CALCA: variants seen among roughly 807,000 people sequenced by gnomAD.
The protein encoded by CALCA is calcitonin.
CALCA carries 4 observed loss-of-function variants against 6.9 expected under a neutral mutation model. The observed-to-expected ratio is 0.58, with a 90% CI of 0.29 to 1.33. The LOEUF is 1.33. Ranked by LOEUF, CALCA falls within the 40% of genes most tolerant of loss-of-function variation. The pLI, the probability that CALCA is intolerant of heterozygous loss-of-function variation, is 0.09. For missense variants in CALCA, 174 were observed against 178.3 expected, an observed-to-expected ratio of 0.98 and a Z score of 0.14; for synonymous variants, 78 against 70.0, an observed-to-expected ratio of 1.11 and a Z score of -0.57.
At position 14,968,725 on chromosome 11, in the gene CALCA, G is replaced by C; in HGVS notation, c.*74C>G. ...CCAATACCAGCCCAAAGAGCCACCAGAGAGGAACCAAACCACATGCATCAA... is the reference window on the plus strand; with the variant it reads ...CCAATACCAGCCCAAAGAGCCACCACAGAGGAACCAAACCACATGCATCAA... On this transcript the variant is annotated 3_prime_UTR_variant, in exon 4 of 4. Coordinates refer to ENST00000331587, the MANE Select transcript of CALCA (RefSeq NM_001741.3). 6.2e-7 allele frequency: 1 copy of C among 1,613,144 alleles called. No individual in the cohort carries two copies. The highest frequency in any genetic ancestry group is 8.5e-7 in the Non-Finnish European group (1 of 1,179,742).
At chr11:14,971,232 C>G in intron 1 of CALCA, 31 bp from the exon 2 acceptor site, 1 of 1,516,286 alleles carries the variant, frequency 6.6e-7, no homozygotes, top group Non-Finnish European at 9.2e-7. Flanking sequence ...AAACCACCTG[C>G]GCCAGTTCGA....
downstream of CALCA, chr11:14,966,792 G>T (rs1849467742): frequency 6.6e-6 from 1 of 152,630 alleles, no homozygotes; most frequent in Admixed American, 6.5e-5. Context: ...TGCCCAAGAG[G>T]CAGTGATTTC....
chr11:14,967,645 T>A (rs1168179476), downstream of CALCA: 1 of 1,612,542 alleles, frequency 6.2e-7, no homozygotes, highest in Non-Finnish European at 8.5e-7. Flanking sequence ...GTCATTCATC[T>A]TCCCATCCCA....
At position 14,969,937 on chromosome 11, in the gene CALCA, G is replaced by T; in HGVS notation, c.225C>A (p.Ser75=). The T allele has an allele frequency of 6.2e-7, 1 of 1,612,804 alleles. No individual in the cohort carries two copies. The highest frequency in any genetic ancestry group is 8.5e-7 in the Non-Finnish European group (1 of 1,180,028). ...ELEQEQEREG[S]SLDSPRSKRC... is the part of the protein sequence containing the mutation. Reference sequence around the variant, plus strand: ...GCTGAGCGCTTGGGGAGCCTCACCTGGAGCCCTCTCTCTCTTGCTCCTGCT... The same window carrying T: ...GCTGAGCGCTTGGGGAGCCTCACCTTGAGCCCTCTCTCTCTTGCTCCTGCT... The change falls in exon 3 of 4, where the codon TCC becomes TCA. Residue 75 remains serine (S), a splice_region_variant and synonymous_variant. Coordinates refer to ENST00000331587, the MANE Select transcript of CALCA (RefSeq NM_001741.3).
intron 3 of CALCA, 44 bp downstream of exon 3, chr11:14,969,891 T>G: frequency 6.2e-7 from 1 of 1,612,112 alleles, no homozygotes; most frequent in Non-Finnish European, 8.5e-7. Flanking sequence ...CTGTGTATGC[T>G]GCGGGGAGAG....
intron 3 of CALCA, 115 bp from the exon 4 acceptor site, chr11:14,969,112 G>A (rs1849529094): frequency 4.4e-6 from 4 of 900,538 alleles, no homozygotes; most frequent in African/African-American, 1.6e-5. Context: ...GCAGGCAGGA[G>A]GGCAGCTCAC....
Position 14,968,877 on chromosome 11 carries a change from A to C in CALCA, c.348T>G (p.Pro116=). ...FPQTAIGVGA[P]GKKRDMSSDL... is the part of the protein sequence containing the mutation. ...CGCTGGACATATCCCTTTTCTTTCC[A>C]GGTGCTCCAACCCCAATTGCAGTTT... Residue 116 remains proline (P), a synonymous_variant, in exon 4 of 4, where the codon CCT becomes CCG. Transcript: ENST00000331587. 1 of 1,614,198 alleles carries C rather than the reference A, an allele frequency of 6.2e-7. No homozygotes were observed. The highest frequency in any genetic ancestry group is 1.7e-5 in the Admixed American group (1 of 60,020).
intron 1 of CALCA, among the ~76,000 whole-genome samples, chr11:14,971,682 A>G (rs1402484358): frequency 6.6e-6 from 1 of 152,188 alleles, no homozygotes; most frequent in Non-Finnish European, 1.5e-5. Context: ...AAAAGAATCA[A>G]TTTTAGTGCT....
rs782056705 is a variant in CALCA at position 14,970,090 on chromosome 11, C to A, written c.87-15G>T. ...CCAGGGCAGACCTGTGGAGGGGAAG[C>A]AAACTCAGTGCAGGCTGTGAGCCCC... On this transcript the variant is annotated splice_polypyrimidine_tract_variant and intron_variant, in intron 2 of 3. Transcript: ENST00000331587. The A allele has an allele frequency of 1.9e-6, 3 of 1,613,978 alleles. No homozygotes were observed. The highest frequency in any genetic ancestry group is 3.3e-5 in the Admixed American group (2 of 60,000).
At chr11:14,968,469 A>G (rs541553386), downstream of CALCA, 6,597 of 1,229,626 alleles carry the variant, frequency 5.4e-3, 9 homozygotes, top group Non-Finnish European at 6.1e-3. Flanking sequence ...CCTGGGACAT[A>G]GATCAGAGCA....
rs1187791852 is a variant in CALCA at position 14,970,182 on chromosome 11, C to T, written c.87-107G>A. On this transcript the variant is annotated intron_variant, in intron 2 of 3. Coordinates refer to ENST00000331587, the MANE Select transcript of CALCA (RefSeq NM_001741.3). ...TTTGCTTCTTCCCCTGAGGATGTGGCCAGCGGGAGTCCTAGGGGACAGGGC... is the reference window on the plus strand; with the variant it reads ...TTTGCTTCTTCCCCTGAGGATGTGGTCAGCGGGAGTCCTAGGGGACAGGGC... The T allele has an allele frequency of 3.4e-6, 5 of 1,489,290 alleles. No homozygotes were observed. The African/African-American group carries it at 5.5e-5, about 16-fold the overall frequency. The allele number at this position is 1,489,290 out of a possible 1,614,324, so 92.3% of individuals were successfully genotyped here.
chr11:14,967,569 A>G (rs1230067218), downstream of CALCA: 3 of 1,354,256 alleles, frequency 2.2e-6, no homozygotes, highest in Non-Finnish European at 3.1e-6. Flanking sequence ...ACCTTCCCTT[A>G]TGGATTTTTT....
downstream of CALCA, chr11:14,967,876 G>A: frequency 6.2e-7 from 1 of 1,614,152 alleles, no homozygotes; most frequent in Non-Finnish European, 8.5e-7. Flanking sequence ...GATGGAGAAA[G>A]AAGAGAAGAT....
chr11:14,967,744 T>C, downstream of CALCA: 2 of 1,614,198 alleles, frequency 1.2e-6, no homozygotes, highest in South Asian at 1.1e-5. Context: ...GGAACCCACA[T>C]TGGTGGGCAC....
intron 1 of CALCA, among the ~76,000 whole-genome samples, chr11:14,971,655 A>G (rs533321816): frequency 5.8e-4 from 88 of 152,154 alleles, no homozygotes; most frequent in African/African-American, 2.0e-3. Context: ...TATCTCTGCA[A>G]TTGGAATCTG....
chr11:14,971,043 C>T lies in CALCA; in HGVS notation c.86+64G>A, dbSNP rs1329516355. The stretch of plus-strand genomic sequence containing the variant: ...CCTGTCGGTTTTTAAGCATTCAGTA[C>T]ACCACACTTAAGAGGCATGGAATTG... On this transcript the variant is annotated intron_variant, in intron 2 of 3. Transcript: ENST00000331587. The T allele has an allele frequency of 4.4e-6, 6 of 1,374,900 alleles. No individual in the cohort carries two copies. The Admixed American group carries it at 1.0e-4, about 23-fold the overall frequency. The allele number at this position is 1,374,900 out of a possible 1,614,324, so 85.2% of individuals were successfully genotyped here.
chr11:14,969,144 A>T (rs1477683900), intron 3 of CALCA, 147 bp from the exon 4 acceptor site: 1 of 748,210 alleles, frequency 1.3e-6, no homozygotes. Context: ...TCATTAGGAG[A>T]GCTCAGAGGT....
Sources: gnomAD v4.1 joint callset for allele counts (sites outside exome capture counted in the v4.1 genomes callset) on GRCh38, gnomAD v4.1.1 for gene constraint, MANE v1.5 for transcripts, NCBI Gene and HGNC (gene_info 2026-07-23, HGNC 2026-07-21) for gene names.